The following PCDH15 variants were observed in gnomAD, a reference collection of about 807,000 sequenced individuals.
PCDH15 encodes protocadherin-15.
PCDH15 carries 129 observed loss-of-function variants against 178.5 expected under a neutral mutation model. The observed-to-expected ratio is 0.72, with a 90% confidence interval of 0.63 to 0.84. The LOEUF (loss-of-function observed/expected upper bound fraction) is 0.84. Ranked by LOEUF, PCDH15 falls within the 40% of genes least tolerant of loss-of-function variation. PCDH15 has a pLI of 0.00. For synonymous variants in PCDH15, 800 were observed against 732.0 expected (o/e 1.09, Z -1.50); for missense variants, 2,230 against 2,099.9 (o/e 1.06, Z -1.21).
At chr10:54,525,743 G>A (rs2083302191) in intron 3 of PCDH15, among the ~76,000 whole-genome samples, 1 of 152,178 alleles carries the variant, frequency 6.6e-6, no homozygotes, top group African/African-American at 2.4e-5. Flanking sequence ...ACAGGCATGA[G>A]CCACCCAACA....
intron 20 of PCDH15, among the ~76,000 whole-genome samples, chr10:54,002,890 G>A (rs1236415798): frequency 6.6e-6 from 1 of 152,162 alleles, no homozygotes; most frequent in Non-Finnish European, 1.5e-5. Context: ...ACCACAGCCA[G>A]CAGTGGCAAC....
rs140437137 is a variant in PCDH15 at position 54,757,706 on chromosome 10, A to T, written c.-29+43219T>A. ...AGACCTAAATAAGACCAATTAGATTATTCCTTAAAGTTTTATTTATGCCGA... is the reference window on the plus strand; with the variant it reads ...AGACCTAAATAAGACCAATTAGATTTTTCCTTAAAGTTTTATTTATGCCGA... On this transcript the variant is annotated intron_variant, in intron 1 of 37. Transcript: ENST00000644397. 2.5e-3 allele frequency among the ~76,000 whole-genome samples: 377 copies of T among 152,282 alleles called. 4 individuals are homozygous for T. In the East Asian group the frequency reaches 0.028, roughly 11 times the overall value.
At chr10:53,811,707 G>T in intron 35 of PCDH15, 88 bp from the exon 36 acceptor site, 2 of 721,182 alleles carry the variant, frequency 2.8e-6, no homozygotes, top group Non-Finnish European at 4.4e-6. Flanking sequence ...AGAATTCCAT[G>T]ATTCTCAAAA....
intron 2 of PCDH15, among the ~76,000 whole-genome samples, chr10:55,151,992 CTT>C (rs1838737035): frequency 6.6e-6 from 1 of 151,864 alleles, no homozygotes; most frequent in South Asian, 2.1e-4. Flanking sequence ...CTATAGGAGA[CTT>C]TGTTATGTGG....
intron 2 of PCDH15, among the ~76,000 whole-genome samples, chr10:54,590,070 C>G (rs941246191): frequency 6.6e-6 from 1 of 152,078 alleles, no homozygotes; most frequent in African/African-American, 2.4e-5. Flanking sequence ...AACTGCTAAT[C>G]ACTTTCCCAG....
chr10:55,115,554 T>C lies in PCDH15; in HGVS notation c.-80+51022A>G, dbSNP rs992582791. Among the ~76,000 whole-genome samples the C allele has an allele frequency of 2.6e-5, 4 of 152,312 alleles. No homozygotes were observed. The South Asian group carries it at 6.2e-4, about 24-fold the overall frequency. ...ACTGTCCCTGAGGCTACTTAATTGG[T>C]TGTATAACCAAGGTGTCAGCTAAGA... On this transcript the variant is annotated intron_variant, in intron 2 of 5. Transcript: ENST00000458638.
chr10:54,564,898 T>C (rs11004387), intron 2 of PCDH15, among the ~76,000 whole-genome samples: 16,689 of 152,088 alleles, frequency 0.11, 1,152 homozygotes, highest in East Asian at 0.27. Context: ...ACATATTACA[T>C]TTTCAAAAAT....
intron 2 of PCDH15, among the ~76,000 whole-genome samples, chr10:55,071,864 C>A (rs1015365754): frequency 2.0e-5 from 3 of 151,954 alleles, no homozygotes; most frequent in Non-Finnish European, 4.4e-5. Context: ...TCTCCTCAGC[C>A]AATGTGAAAG....
chr10:53,869,772 A>C (rs2079702582), intron 26 of PCDH15, among the ~76,000 whole-genome samples: 1 of 151,784 alleles, frequency 6.6e-6, no homozygotes, highest in Admixed American at 6.6e-5. Flanking sequence ...TGAAACTCTT[A>C]TCTCTTGAAA....
intron 2 of PCDH15, among the ~76,000 whole-genome samples, chr10:55,328,135 T>A (rs1331457606): frequency 6.6e-6 from 1 of 151,960 alleles, no homozygotes; most frequent in Non-Finnish European, 1.5e-5. Context: ...GAGAAACATA[T>A]TTATAATAAT....
rs572707925 is a variant in PCDH15, at chr10:54,767,308, C to T, written c.-29+33617G>A. ...TAAAACTGAACCTATTAAAACTAAACCTATTAGTCATCAAGAATGATGATT... is the reference window on the plus strand; with the variant it reads ...TAAAACTGAACCTATTAAAACTAAATCTATTAGTCATCAAGAATGATGATT... On this transcript the variant is annotated intron_variant, in intron 1 of 37. Coordinates refer to ENST00000644397, the MANE Select transcript of PCDH15 (RefSeq NM_001384140.1). Among the ~76,000 whole-genome samples the T allele has an allele frequency of 1.5e-3, 230 of 152,148 alleles. 4 individuals are homozygous for T. The highest frequency in any genetic ancestry group is 5.4e-3 in the African/African-American group (225 of 41,502).
At chr10:55,541,927 A>G (rs1679537131) in intron 2 of PCDH15, among the ~76,000 whole-genome samples, 2 of 151,956 alleles carry the variant, frequency 1.3e-5, no homozygotes, top group African/African-American at 4.8e-5. Flanking sequence ...GATGTCAAGT[A>G]TCAAAAAATG....
At chr10:54,024,476 G>T (rs1589973637) in intron 18 of PCDH15, among the ~76,000 whole-genome samples, 2 of 152,144 alleles carry the variant, frequency 1.3e-5, no homozygotes, top group South Asian at 4.1e-4. Context: ...CAATGGTAAA[G>T]CATGCAGAAT....
At chr10:54,140,523 C>A (rs934024521) in intron 14 of PCDH15, among the ~76,000 whole-genome samples, 10 of 151,442 alleles carry the variant, frequency 6.6e-5, no homozygotes, top group Admixed American at 2.0e-4. Context: ...GGATGGAGTG[C>A]AGTGGAGTGA....
At chr10:54,127,714 A>G (rs2042101152) in intron 15 of PCDH15, among the ~76,000 whole-genome samples, 1 of 152,124 alleles carries the variant, frequency 6.6e-6, no homozygotes, top group African/African-American at 2.4e-5. Context: ...CCTGCATTAT[A>G]TTATACTCAG....
intron 3 of PCDH15, among the ~76,000 whole-genome samples, chr10:54,875,012 C>T (rs986456893): frequency 3.3e-5 from 5 of 152,070 alleles, no homozygotes; most frequent in East Asian, 3.9e-4. Flanking sequence ...TATACAAGCA[C>T]GCTTCATTTT....
chr10:54,765,685 T>A (rs970180927), intron 1 of PCDH15, among the ~76,000 whole-genome samples: 1 of 152,176 alleles, frequency 6.6e-6, no homozygotes, highest in Non-Finnish European at 1.5e-5. Context: ...ACAGCCTGTA[T>A]AATCACTGTT....
intron 3 of PCDH15, among the ~76,000 whole-genome samples, chr10:54,383,107 G>C (rs1303216574): frequency 6.6e-6 from 1 of 151,942 alleles, no homozygotes; most frequent in African/African-American, 2.4e-5. Flanking sequence ...ATATAGATTT[G>C]AGCATATAAA....
intron 2 of PCDH15, among the ~76,000 whole-genome samples, chr10:54,644,623 T>C (rs988251763): frequency 6.6e-6 from 1 of 152,120 alleles, no homozygotes; most frequent in African/African-American, 2.4e-5. Flanking sequence ...TTCATTCTAT[T>C]GAACGTCTCT....
Sources: gnomAD v4.1 joint callset for allele counts (sites outside exome capture counted in the v4.1 genomes callset) on GRCh38, gnomAD v4.1.1 for gene constraint, MANE v1.5 for transcripts, NCBI Gene and HGNC (gene_info 2026-07-23, HGNC 2026-07-21) for gene names.